RTRAF: variants seen among roughly 807,000 people sequenced by gnomAD.
The protein encoded by RTRAF is RNA transcription, translation and transport factor.
RTRAF carries 14 observed loss-of-function variants against 34.4 expected under a neutral mutation model. The observed-to-expected ratio is 0.41, with a 90% confidence interval of 0.27 to 0.64. The LOEUF (loss-of-function observed/expected upper bound fraction) is 0.64. Among genes scored for constraint, RTRAF ranks in the 30% least tolerant of loss-of-function variants. The pLI is 0.34. For synonymous variants in RTRAF, 96 were observed against 95.3 expected (o/e 1.01, Z -0.04); for missense variants, 291 against 288.4 (o/e 1.01, Z -0.06).
intron 1 of RTRAF, 48 bp downstream of exon 1, chr14:51,989,748 G>A (rs755193359): frequency 6.5e-7 from 1 of 1,549,942 alleles, no homozygotes; most frequent in Non-Finnish European, 8.7e-7. Context: ...CCTGGGCGGA[G>A]GTCCCAGCCT....
Position 52,006,582 on chromosome 14 carries a change from C to T in RTRAF, c.*2066C>T. 6.2e-7 allele frequency: 1 copy of T among 1,613,846 alleles called. No homozygotes were observed. On this transcript the variant is annotated 3_prime_UTR_variant, in exon 8 of 8. Transcript: ENST00000261700. ...GAAGTGATCTGCATAGCTTACGATG[C>T]TGAAGGGGTACTTGAGGTTGTTTTG...
At chr14:52,002,503 A>C (rs543113813) in intron 6 of RTRAF, among the ~76,000 whole-genome samples, 1 of 152,234 alleles carries the variant, frequency 6.6e-6, no homozygotes, top group Non-Finnish European at 1.5e-5. Flanking sequence ...TTCAAGGTAC[A>C]GGTGACTGAA....
chr14:51,997,335 G>A (rs550740906), intron 3 of RTRAF, among the ~76,000 whole-genome samples: 1 of 151,936 alleles, frequency 6.6e-6, no homozygotes, highest in Admixed American at 6.6e-5. Flanking sequence ...TCTCTTGTAA[G>A]TTTTCCCATC....
At chr14:52,004,133 T>C (rs1160366304) in intron 6 of RTRAF, 61 bp from the exon 7 acceptor site, 10 of 1,432,222 alleles carry the variant, frequency 7.0e-6, no homozygotes, top group African/African-American at 2.9e-5. Flanking sequence ...TCAGTTTCAG[T>C]TGAGGAAAGG....
intron 2 of RTRAF, 29 bp from the exon 3 acceptor site, chr14:51,993,694 T>C: frequency 7.6e-7 from 1 of 1,308,504 alleles, no homozygotes; most frequent in Non-Finnish European, 1.1e-6. Flanking sequence ...ATAATGAAAC[T>C]GGTGGTTTTC....
intron 3 of RTRAF, among the ~76,000 whole-genome samples, chr14:51,994,725 A>G (rs1363456721): frequency 6.6e-6 from 1 of 152,180 alleles, no homozygotes; most frequent in East Asian, 1.9e-4. Context: ...TAATAAACAT[A>G]CATATCCATA....
chr14:51,996,491 A>G (rs917647563), intron 3 of RTRAF, among the ~76,000 whole-genome samples: 1 of 152,038 alleles, frequency 6.6e-6, no homozygotes, highest in African/African-American at 2.4e-5. Flanking sequence ...AATAACTGAA[A>G]TTTTTTAAAT....
Position 52,004,261 on chromosome 14 carries a change from ATT to A in RTRAF, c.580+20_580+21del. On this transcript the variant is annotated intron_variant, in intron 7 of 7. Coordinates refer to ENST00000261700, the MANE Select transcript of RTRAF (RefSeq NM_016039.3). ...ACAGGAGGTAAGTGATTTTGTTTAA[ATT>A]CAAACTATTTTTTTTACAGACTGAA... The A allele has an allele frequency of 6.2e-7, 1 of 1,611,956 alleles. No homozygotes were observed. The highest frequency in any genetic ancestry group is 8.5e-7 in the Non-Finnish European group (1 of 1,179,140).
Position 52,004,675 on chromosome 14 carries a change from A to AAGGAAGCCC in RTRAF, c.*160_*161insGGAAGCCCA. ...ACCATTGCTTATTGCTTTTTTCTTT[A>AAGGAAGCCC]ATAAAGTTTAGGAAAGTAGAATTTT... On this transcript the variant is annotated 3_prime_UTR_variant, in exon 8 of 8. Transcript: ENST00000261700. The AAGGAAGCCC allele has an allele frequency of 1.6e-6, 1 of 640,462 alleles. No homozygotes were observed. Among genetic ancestry groups the AAGGAAGCCC allele is most frequent in the Non-Finnish European group, 2.5e-6 (1 of 393,564 alleles). The allele number at this position is 640,462 out of a possible 1,614,324, so 39.7% of individuals were successfully genotyped here. A position where few individuals can be genotyped will look rare whatever the true frequency, so the allele number is the denominator to read the frequency against.
chr14:52,007,936 C>A lies in RTRAF; in HGVS notation c.*3420C>A, dbSNP rs966408781. On this transcript the variant is annotated 3_prime_UTR_variant, in exon 8 of 8. Coordinates refer to ENST00000261700, the MANE Select transcript of RTRAF (RefSeq NM_016039.3). ...AAAGATGACGTTTCAATTTTAGGAG[C>A]TTCTCTATTCCAGTCTGTCCAGTAC... 3.1e-6 allele frequency: 5 copies of A among 1,613,580 alleles called. No individual in the cohort carries two copies. In the South Asian group the frequency reaches 5.5e-5, roughly 18 times the overall value.
At position 52,007,431 on chromosome 14, in the gene RTRAF, C is replaced by G; in HGVS notation, c.*2915C>G. ...TGAAGGAAGCTACCCTGCTACAATG[C>G]TTTCCAAAGAATGTCCTTAGCATTA... On this transcript the variant is annotated 3_prime_UTR_variant, in exon 8 of 8. Coordinates refer to ENST00000261700, the MANE Select transcript of RTRAF (RefSeq NM_016039.3). 4.7e-6 allele frequency: 1 copy of G among 214,458 alleles called. No homozygotes were observed. The highest frequency in any genetic ancestry group is 9.3e-6 in the Non-Finnish European group (1 of 108,010). 13.3% of individuals were successfully genotyped at this position (214,458 alleles called of 1,614,324 possible).
At position 52,006,547 on chromosome 14, in the gene RTRAF, C is replaced by T; in HGVS notation, c.*2031C>T. The T allele has an allele frequency of 6.2e-7, 1 of 1,613,660 alleles. No homozygotes were observed. The highest frequency in any genetic ancestry group is 8.5e-7 in the Non-Finnish European group (1 of 1,179,656). ...ATTTGTGGGGCTCACCTCCTCCAGT[C>T]TGTGTGGTAGAAGTGATCTGCATAG... On this transcript the variant is annotated 3_prime_UTR_variant, in exon 8 of 8. Transcript: ENST00000261700.
Position 52,006,308 on chromosome 14 carries a change from T to C in RTRAF, c.*1792T>C, listed in dbSNP as rs1336338500. The C allele has an allele frequency of 9.5e-5, 47 of 495,890 alleles. No individual in the cohort carries two copies. In the Admixed American group the frequency reaches 1.6e-3, roughly 17 times the overall value. The allele number at this position is 495,890 out of a possible 1,614,324, so 30.7% of individuals were successfully genotyped here. A position where few individuals can be genotyped will look rare whatever the true frequency, so the allele number is the denominator to read the frequency against. ...AATAGCTTTGCTACTTTTTAAGCTA[T>C]ATGTGAGCAATACCATTCGATTTCT... On this transcript the variant is annotated 3_prime_UTR_variant, in exon 8 of 8. Transcript: ENST00000261700.
rs971364141 is a variant in RTRAF at position 52,003,985 on chromosome 14, G to GTTAAC, written c.532-206_532-202dup. 47 of 574,188 alleles carry GTTAAC rather than the reference G, an allele frequency of 8.2e-5. 2 individuals carry two copies. In the Middle Eastern group the frequency reaches 1.9e-3, roughly 23 times the overall value. 35.6% of individuals were successfully genotyped at this position (574,188 alleles called of 1,614,324 possible). A position where few individuals can be genotyped will look rare whatever the true frequency, so the allele number is the denominator to read the frequency against. ...ATAGAGCTTCCTGGTACATTTAAAGGTTAACTTTTCCCCCTAACCGGTTGA... is the reference window on the plus strand; with the variant it reads ...ATAGAGCTTCCTGGTACATTTAAAGGTTAACTTAACTTTTCCCCCTAACCGGTTGA... On this transcript the variant is annotated intron_variant, in intron 6 of 7. Coordinates refer to ENST00000261700, the MANE Select transcript of RTRAF (RefSeq NM_016039.3).
Position 52,008,417 on chromosome 14 carries a change from C to T in RTRAF, c.*3901C>T, listed in dbSNP as rs1034906491. Reference sequence around the variant, plus strand: ...TACCTGATTGCAGCCTTGTGAGAGACTCCATGCCTGAGGGAGCTCGGTGAA... The same window carrying T: ...TACCTGATTGCAGCCTTGTGAGAGATTCCATGCCTGAGGGAGCTCGGTGAA... On this transcript the variant is annotated 3_prime_UTR_variant, in exon 8 of 8. Coordinates refer to ENST00000261700, the MANE Select transcript of RTRAF (RefSeq NM_016039.3). 8 of 153,636 alleles carry T rather than the reference C, an allele frequency of 5.2e-5. No individual in the cohort carries two copies. Among genetic ancestry groups the T allele is most frequent in the Admixed American group, 5.2e-4 (8 of 15,458 alleles). The allele number at this position is 153,636 out of a possible 1,614,324, so 9.5% of individuals were successfully genotyped here.
In RTRAF at chr14:51,996,028, T is replaced by C. The variant is rs190844105; in HGVS notation, c.286+2206T>C. ...AGTTTATTTGTTTTATTCTATTTGT[T>C]CCATTTTTATAACCCGTTAACCTTC... On this transcript the variant is annotated intron_variant, in intron 3 of 7. Transcript: ENST00000261700. Among the ~76,000 whole-genome samples, 429 of 152,280 alleles carry C rather than the reference T, an allele frequency of 2.8e-3. 1 individual carries two copies. The highest frequency in any genetic ancestry group is 3.7e-3 in the Non-Finnish European group (252 of 67,994).
Position 52,002,903 on chromosome 14 carries a change from A to G in RTRAF, c.531+1037A>G, listed in dbSNP as rs544146967. ...TTAAAGGTTCTTACTGGCTCGTTGT[A>G]TATGAATCGAGCCACTGGAAGTTGG... On this transcript the variant is annotated intron_variant, in intron 6 of 7. Coordinates refer to ENST00000261700, the MANE Select transcript of RTRAF (RefSeq NM_016039.3). 1.3e-3 allele frequency among the ~76,000 whole-genome samples: 198 copies of G among 152,338 alleles called. 1 individual carries two copies. The highest frequency in any genetic ancestry group is 4.5e-3 in the African/African-American group (188 of 41,576).
At chr14:51,990,951 T>TA (rs1365351005) in intron 1 of RTRAF, among the ~76,000 whole-genome samples, 1 of 152,240 alleles carries the variant, frequency 6.6e-6, no homozygotes, top group African/African-American at 2.4e-5. Flanking sequence ...GCACTGTTTT[T>TA]ATCCGTATTT....
chr14:51,993,572 GT>G, intron 2 of RTRAF, 150 bp from the exon 3 acceptor site: 1 of 557,860 alleles, frequency 1.8e-6, no homozygotes, highest in South Asian at 2.2e-5. Flanking sequence ...GTTCCCTTCT[GT>G]TGGGTTATAT....
Sources: allele counts gnomAD v4.1 joint callset (sites outside exome capture counted in the v4.1 genomes callset), GRCh38; gene constraint gnomAD v4.1.1; transcripts MANE v1.5; gene names NCBI Gene and HGNC (gene_info 2026-07-23, HGNC 2026-07-21).